WASHC4: variants seen among roughly 807,000 people sequenced by gnomAD.
WASHC4 encodes WASH complex subunit 7.
Under a neutral mutation model 166.6 loss-of-function variants are expected in WASHC4, and 86 were observed. The observed-to-expected ratio is 0.52, with a 90% CI of 0.43 to 0.62. The LOEUF is 0.62. Ranked by LOEUF, WASHC4 falls within the 20% of genes least tolerant of loss-of-function variation. The pLI is 0.00. For synonymous variants in WASHC4, 446 were observed against 451.6 expected, an observed-to-expected ratio of 0.99 and a Z score of 0.16; for missense variants, 1,262 against 1,382.4, an observed-to-expected ratio of 0.91 and a Z score of 1.38.
At chr12:105,142,193 A>T (rs1882923041) in intron 18 of WASHC4, among the ~76,000 whole-genome samples, 1 of 152,172 alleles carries the variant, frequency 6.6e-6, no homozygotes, top group Non-Finnish European at 1.5e-5. Flanking sequence ...TTTGAATATT[A>T]TGCATATCAT....
intron 13 of WASHC4, among the ~76,000 whole-genome samples, chr12:105,131,784 C>G (rs935962526): frequency 1.3e-5 from 2 of 152,204 alleles, no homozygotes; most frequent in African/African-American, 4.8e-5. Context: ...CAGCACCACT[C>G]TAAGCAAAGC....
chr12:105,156,729 A>G lies in WASHC4; in HGVS notation c.2762A>G (p.Asn921Ser), dbSNP rs1453999993. ...QFRQLISQIG[N>S]AMGYVRMIRS... ...ATTTTTTTGTGTGGTTTTTAAGGTA[A>G]TGCTATGGGCTATGTACGAATGATA... Residue 921 changes from asparagine (N) to serine (S), a missense_variant, in exon 27 of 33, where the codon AAT becomes AGT. Asn to Ser is a conservative substitution (Grantham distance 46, BLOSUM62 1). Transcript: ENST00000332180. 6.2e-7 allele frequency: 1 copy of G among 1,609,472 alleles called. No individual in the cohort carries two copies. Among genetic ancestry groups the G allele is most frequent in the Non-Finnish European group, 8.5e-7 (1 of 1,176,446 alleles).
In WASHC4 at chr12:105,138,094, T is replaced by G. The variant is rs957953510; in HGVS notation, c.1452+83T>G. On this transcript the variant is annotated intron_variant, in intron 15 of 32. Coordinates refer to ENST00000332180, the MANE Select transcript of WASHC4 (RefSeq NM_015275.3). ...TTAGGATAATCTTGTAAGGTTTGAC[T>G]ACATGATTATATGAGAACAGAAAAT... 14 of 1,355,378 alleles carry G rather than the reference T, an allele frequency of 1.0e-5. No individual in the cohort carries two copies. The Admixed American group carries it at 1.1e-4, about 10-fold the overall frequency. 84.0% of individuals were successfully genotyped at this position (1,355,378 alleles called of 1,614,324 possible).
intron 2 of WASHC4, among the ~76,000 whole-genome samples, chr12:105,113,454 C>T (rs1424627668): frequency 6.6e-6 from 1 of 152,026 alleles, no homozygotes. Context: ...CAGACTCCAT[C>T]TCCGCAGTTG....
intron 22 of WASHC4, 83 bp from the exon 23 acceptor site, chr12:105,146,369 A>C: frequency 1.2e-6 from 1 of 850,618 alleles, no homozygotes; most frequent in Non-Finnish European, 2.0e-6. Context: ...AAACAGTATA[A>C]TCAATAAGTC....
chr12:105,113,178 A>G (rs1488043109), intron 2 of WASHC4, among the ~76,000 whole-genome samples: 1 of 152,042 alleles, frequency 6.6e-6, no homozygotes, highest in Non-Finnish European at 1.5e-5. Context: ...ACTATCTCTG[A>G]GGGTAATAAG....
intron 8 of WASHC4, 59 bp downstream of exon 8, chr12:105,120,656 G>T: frequency 8.4e-7 from 1 of 1,193,438 alleles, no homozygotes; most frequent in Non-Finnish European, 1.3e-6. Context: ...TTACTTTGGA[G>T]TTTGTATGGT....
At chr12:105,119,622 G>A (rs960161472) in intron 7 of WASHC4, among the ~76,000 whole-genome samples, 16 of 152,136 alleles carry the variant, frequency 1.1e-4, no homozygotes, top group Non-Finnish European at 2.1e-4. Context: ...GAGAGAATGA[G>A]AGTATAGCTT....
intron 8 of WASHC4, 81 bp from the exon 9 acceptor site, chr12:105,121,020 A>G (rs1017931193): frequency 1.1e-6 from 1 of 912,970 alleles, no homozygotes; most frequent in Non-Finnish European, 1.8e-6. Context: ...AATCAGCCCA[A>G]ATGATTTTAC....
intron 15 of WASHC4, among the ~76,000 whole-genome samples, chr12:105,138,438 A>G (rs1439727779): frequency 6.6e-6 from 1 of 151,782 alleles, no homozygotes; most frequent in Non-Finnish European, 1.5e-5. Flanking sequence ...ACATAAGGCT[A>G]TTTATTTTGT....
intron 14 of WASHC4, among the ~76,000 whole-genome samples, chr12:105,135,509 T>A (rs538321403): frequency 5.3e-5 from 8 of 152,078 alleles, no homozygotes; most frequent in Non-Finnish European, 1.0e-4. Flanking sequence ...TATGTATCTT[T>A]CTTTACTTTT....
chr12:105,116,885 G>T (rs1234007475), intron 6 of WASHC4, among the ~76,000 whole-genome samples: 1 of 152,132 alleles, frequency 6.6e-6, no homozygotes, highest in Non-Finnish European at 1.5e-5. Context: ...GGATTGCCAG[G>T]ATCTGGGAGC....
intron 14 of WASHC4, among the ~76,000 whole-genome samples, chr12:105,135,162 A>G (rs995400902): frequency 6.6e-6 from 1 of 152,026 alleles, no homozygotes; most frequent in Admixed American, 6.6e-5. Context: ...TAAACCTCAC[A>G]AGGCATTATT....
rs1480830902 is a variant in WASHC4, at chr12:105,126,250, T to C, written c.926T>C (p.Ile309Thr). 6.2e-7 allele frequency: 1 copy of C among 1,612,674 alleles called. No individual in the cohort carries two copies. The highest frequency in any genetic ancestry group is 2.2e-5 in the East Asian group (1 of 44,722). Residue 309 changes from isoleucine (I) to threonine (T), a missense_variant, in exon 12 of 33, where the codon ATT (isoleucine) becomes ACT (threonine). Physicochemically the swap from Ile to Thr is moderately conservative, Grantham distance 89 (BLOSUM62 -1). Transcript: ENST00000332180. The part of the protein sequence containing the change: ...VEAKLGEPSE[I>T]DQRDKYVGIC... ...GATTTGTAAGGAGAACCTTCTGAAATTGACCAGAGAGACAAGTATGTTGGA... is the reference window on the plus strand; with the variant it reads ...GATTTGTAAGGAGAACCTTCTGAAACTGACCAGAGAGACAAGTATGTTGGA...
intron 31 of WASHC4, 161 bp from the exon 32 acceptor site, chr12:105,164,480 C>T (rs1592925935): frequency 2.5e-6 from 2 of 806,894 alleles, no homozygotes; most frequent in Non-Finnish European, 2.0e-6. Context: ...ATTTGACTCA[C>T]ATCTTAAAAA....
intron 25 of WASHC4, among the ~76,000 whole-genome samples, chr12:105,151,113 C>T (rs548115565): frequency 6.9e-6 from 1 of 145,522 alleles, no homozygotes; most frequent in Admixed American, 7.0e-5. Flanking sequence ...CCACTGCTCT[C>T]CAGCCTGAGT....
rs1390138655 is a variant in WASHC4, at chr12:105,143,212, A to G, written c.1979A>G (p.Tyr660Cys). ...TCCTATGAGATACTTCTGGATTGCTATGACAAGGAAATTATGGAAATTTTA... is the reference window on the plus strand; with the variant it reads ...TCCTATGAGATACTTCTGGATTGCTGTGACAAGGAAATTATGGAAATTTTA... ...LESYEILLDC[Y>C]DKEIMEILNE... is the part of the protein sequence containing the mutation. Residue 660 changes from tyrosine (Y) to cysteine (C), a missense_variant, in exon 20 of 33, where the codon TAT becomes TGT. Transcript: ENST00000332180. 3 of 1,599,738 alleles carry G rather than the reference A, an allele frequency of 1.9e-6. No individual in the cohort carries two copies. Among genetic ancestry groups the G allele is most frequent in the South Asian group, 2.2e-5 (2 of 90,730 alleles).
At chr12:105,142,698 A>G in intron 19 of WASHC4, 140 bp downstream of exon 19, 1 of 610,094 alleles carries the variant, frequency 1.6e-6, no homozygotes, top group Non-Finnish European at 2.9e-6. Context: ...TAAAGTGTTT[A>G]TAGTCTGTAG....
intron 2 of WASHC4, 152 bp from the exon 3 acceptor site, chr12:105,114,064 A>T: frequency 1.5e-6 from 1 of 649,440 alleles, no homozygotes. Context: ...GTCTAATGAG[A>T]TTGTTTTGGA....
Sources: gnomAD v4.1 joint callset for allele counts (sites outside exome capture counted in the v4.1 genomes callset) on GRCh38, gnomAD v4.1.1 for gene constraint, MANE v1.5 for transcripts, NCBI Gene and HGNC (gene_info 2026-07-23, HGNC 2026-07-21) for gene names.